GNB1: variants seen among roughly 807,000 people sequenced by gnomAD.
GNB1 encodes guanine nucleotide-binding protein G(I)/G(S)/G(T) subunit beta-1.
A neutral mutation model predicts 42.9 loss-of-function variants in GNB1; 2 were observed. That is an observed-to-expected ratio of 0.05 (90% CI 0.02 to 0.15). The LOEUF (loss-of-function observed/expected upper bound fraction) is 0.15, where lower values mean the gene tolerates loss of function less well. Among genes scored for constraint, GNB1 ranks in the 10% least tolerant of loss-of-function variants. The pLI, the probability that GNB1 is intolerant of heterozygous loss-of-function variation, is 1.00. For missense variants in GNB1, 193 were observed against 462.2 expected (o/e 0.42, Z 5.34); for synonymous variants, 183 against 174.7 (o/e 1.05, Z -0.38).
intron 1 of GNB1, among the ~76,000 whole-genome samples, chr1:1,875,168 T>C (rs922174675): frequency 6.6e-6 from 1 of 151,686 alleles, no homozygotes; most frequent in Non-Finnish European, 1.5e-5. Context: ...TGGGGGCCCA[T>C]GCTTAGAAGA....
intron 1 of GNB1, among the ~76,000 whole-genome samples, chr1:1,843,102 C>T (rs556505345): frequency 1.3e-5 from 2 of 152,346 alleles, no homozygotes; most frequent in Admixed American, 6.5e-5. Flanking sequence ...AACTCTTCAA[C>T]TGTCACAATT....
At chr1:1,876,185 TC>T in intron 1 of GNB1, among the ~76,000 whole-genome samples, 1 of 152,194 alleles carries the variant, frequency 6.6e-6, no homozygotes, top group Non-Finnish European at 1.5e-5. Flanking sequence ...TTCTGAGCCA[TC>T]CAACTTGTGA....
rs531993399 is a variant in GNB1 at position 1,795,885 on chromosome 1, C to T, written c.431-2574G>A. 3.9e-5 allele frequency among the ~76,000 whole-genome samples: 6 copies of T among 152,340 alleles called. No homozygotes were observed. The East Asian group carries it at 1.2e-3, about 29-fold the overall frequency. On this transcript the variant is annotated intron_variant, in intron 7 of 11. Coordinates refer to ENST00000378609, the MANE Select transcript of GNB1 (RefSeq NM_002074.5). ...AACCAGAGACTGAACCCTAAAATCA[C>T]AGCTCTCAAGCGCTGATAAAATGAT...
At chr1:1,822,257 G>A (rs1166667004) in intron 3 of GNB1, among the ~76,000 whole-genome samples, 4 of 151,712 alleles carry the variant, frequency 2.6e-5, no homozygotes, top group Non-Finnish European at 5.9e-5. Flanking sequence ...AAAGTACTGG[G>A]ATTAACGGCA....
intron 1 of GNB1, among the ~76,000 whole-genome samples, chr1:1,882,319 T>C (rs1649890297): frequency 6.6e-6 from 1 of 151,046 alleles, no homozygotes; most frequent in South Asian, 2.1e-4. Context: ...TCCCAACTAT[T>C]TGGGAGGCTG....
intron 1 of GNB1, among the ~76,000 whole-genome samples, chr1:1,882,446 A>C (rs1265414274): frequency 7.1e-6 from 1 of 140,340 alleles, no homozygotes; most frequent in African/African-American, 2.5e-5. Context: ...AAAAAAAAAA[A>C]AAAAGAGAGA....
intron 2 of GNB1, among the ~76,000 whole-genome samples, chr1:1,835,095 T>G (rs1227097570): frequency 6.6e-6 from 1 of 152,300 alleles, no homozygotes; most frequent in Non-Finnish European, 1.5e-5. Flanking sequence ...CAAACTACAA[T>G]GAATACTATG....
chr1:1,881,581 G>A (rs1185203248), intron 1 of GNB1, among the ~76,000 whole-genome samples: 1 of 152,056 alleles, frequency 6.6e-6, no homozygotes, highest in African/African-American at 2.4e-5. Flanking sequence ...TATATGTTTA[G>A]TAGAGACAAG....
At position 1,875,121 on chromosome 1, in the gene GNB1, G is replaced by A. The variant is rs118184145; in HGVS notation, c.-96+15699C>T. Among the ~76,000 whole-genome samples the A allele has an allele frequency of 1.8e-3, 279 of 152,266 alleles. 9 individuals are homozygous for A. In the East Asian group the frequency reaches 0.049, roughly 27 times the overall value. Reference sequence around the variant, plus strand: ...CTCGCTTGCCCACCTCTCACCTGCTGTGCAGCCCGGCTCCTAAGAGACCAC... The same window carrying A: ...CTCGCTTGCCCACCTCTCACCTGCTATGCAGCCCGGCTCCTAAGAGACCAC... On this transcript the variant is annotated intron_variant, in intron 1 of 11. Transcript: ENST00000378609.
intron 2 of GNB1, among the ~76,000 whole-genome samples, chr1:1,835,922 GA>G (rs59271649): frequency 0.16 from 13,970 of 88,512 alleles, 844 homozygotes; most frequent in Middle Eastern, 0.36. Flanking sequence ...ATTAAAAAAA[GA>G]AAAAAAAAAA....
intron 1 of GNB1, chr1:1,890,321 T>TC (rs901544718): frequency 5.2e-4 from 77 of 149,434 alleles, no homozygotes; most frequent in African/African-American, 1.8e-3. Context: ...TTGTTCCCCT[T>TC]CCCCACGCTC....
chr1:1,889,659 T>TA (rs35173217), intron 1 of GNB1, among the ~76,000 whole-genome samples: 35,963 of 115,072 alleles, frequency 0.31, 5,265 homozygotes, highest in African/African-American at 0.39. Flanking sequence ...TCCCATCTCT[T>TA]AAAAAAAAAA....
In GNB1 at chr1:1,884,611, C is replaced by G. The variant is rs114567828; in HGVS notation, c.-96+6209G>C. Among the ~76,000 whole-genome samples, 1,254 of 152,200 alleles carry G rather than the reference C, an allele frequency of 8.2e-3. 21 individuals carry two copies. Among genetic ancestry groups the G allele is most frequent in the African/African-American group, 0.029 (1,217 of 41,508 alleles). ...TTTCTAAGTGCTACAGGACTGCACA[C>G]AGACATGCATGGAGACATGATTACC... On this transcript the variant is annotated intron_variant, in intron 1 of 11. Transcript: ENST00000378609.
chr1:1,816,853 G>T (rs1237037685), intron 4 of GNB1, among the ~76,000 whole-genome samples: 1 of 151,928 alleles, frequency 6.6e-6, no homozygotes, highest in Non-Finnish European at 1.5e-5. Flanking sequence ...TCACCATGTT[G>T]GTTAGGCTGG....
chr1:1,793,478 C>T (rs904660830), intron 7 of GNB1, 167 bp from the exon 8 acceptor site: 15 of 520,238 alleles, frequency 2.9e-5, no homozygotes, highest in Non-Finnish European at 4.8e-5. Context: ...AAGGTCCACA[C>T]GCACTGCTGG....
intron 2 of GNB1, among the ~76,000 whole-genome samples, chr1:1,831,938 T>A (rs867935135): frequency 3.3e-5 from 5 of 151,368 alleles, no homozygotes; most frequent in South Asian, 2.1e-4. Flanking sequence ...GGCACACGCC[T>A]GTAGTCCCAG....
intron 1 of GNB1, among the ~76,000 whole-genome samples, chr1:1,867,370 T>C (rs1649001312): frequency 1.3e-5 from 2 of 152,214 alleles, no homozygotes; most frequent in Admixed American, 6.5e-5. Flanking sequence ...AAATATTTAT[T>C]GAGACCTACT....
chr1:1,815,721 G>T lies in GNB1; in HGVS notation c.203+35C>A, dbSNP rs752902769. The stretch of plus-strand genomic sequence containing the variant: ...TAGGACAACAGAGCAGCCCCTGAAT[G>T]TAACAAGCAGCATCCTGCTCATGCC... On this transcript the variant is annotated intron_variant, in intron 5 of 11. Transcript: ENST00000378609. The T allele has an allele frequency of 5.4e-5, 60 of 1,105,292 alleles. 1 individual carries two copies. The South Asian group carries it at 5.9e-4, about 11-fold the overall frequency. 68.5% of individuals were successfully genotyped at this position (1,105,292 alleles called of 1,614,324 possible).
chr1:1,791,990 C>G (rs1251600313), intron 8 of GNB1, among the ~76,000 whole-genome samples: 1 of 152,002 alleles, frequency 6.6e-6, no homozygotes, highest in Non-Finnish European at 1.5e-5. Context: ...TGAACCCCAC[C>G]AACTGCGTGA....
Sources: allele counts gnomAD v4.1 joint callset (sites outside exome capture counted in the v4.1 genomes callset), GRCh38; gene constraint gnomAD v4.1.1; transcripts MANE v1.5; gene names NCBI Gene and HGNC (gene_info 2026-07-23, HGNC 2026-07-21).